Variants in WWP2 observed in about 807,000 individuals in gnomAD.
The protein encoded by WWP2 is WW domain containing E3 ubiquitin protein ligase 2, also known as NEDD4-like E3 ubiquitin-protein ligase WWP2.
A neutral mutation model predicts 121.0 loss-of-function variants in WWP2; 57 were observed. The observed-to-expected ratio is 0.47, with a 90% CI of 0.38 to 0.59. WWP2 has a LOEUF of 0.59. WWP2 is among the 20% of genes least tolerant of loss of function. The probability of loss-of-function intolerance (pLI) is 0.00; values close to 1 mark genes in which losing one functional copy is unlikely to be tolerated. For synonymous variants in WWP2, 449 were observed against 441.3 expected (o/e 1.02, Z -0.22); for missense variants, 962 against 1,158.9 (o/e 0.83, Z 2.47).
intron 4 of WWP2, among the ~76,000 whole-genome samples, chr16:69,813,338 T>A (rs1276317176): frequency 6.6e-6 from 1 of 152,122 alleles, no homozygotes; most frequent in Admixed American, 6.5e-5. Flanking sequence ...AATTTTATAT[T>A]TTTAGTGGAG....
At chr16:69,889,278 T>C (rs2057983859) in intron 8 of WWP2, among the ~76,000 whole-genome samples, 1 of 152,130 alleles carries the variant, frequency 6.6e-6, no homozygotes, top group African/African-American at 2.4e-5. Context: ...TGAGCTATGA[T>C]CACACCACTG....
intron 4 of WWP2, among the ~76,000 whole-genome samples, chr16:69,815,540 C>T (rs1278405352): frequency 6.6e-6 from 1 of 150,774 alleles, no homozygotes; most frequent in Non-Finnish European, 1.5e-5. Flanking sequence ...GTAATCTCAG[C>T]ACTTTGGGAG....
At chr16:69,768,351 A>G (rs1224997686) in intron 1 of WWP2, among the ~76,000 whole-genome samples, 7 of 152,262 alleles carry the variant, frequency 4.6e-5, no homozygotes, top group African/African-American at 9.6e-5. Context: ...GCTCACACCT[A>G]TAATCCCAGC....
chr16:69,832,041 C>T (rs1291258305), intron 4 of WWP2, among the ~76,000 whole-genome samples: 6 of 152,018 alleles, frequency 3.9e-5, no homozygotes, highest in African/African-American at 7.2e-5. Flanking sequence ...GTTGCCCAGG[C>T]GGGTCTCGAA....
chr16:69,895,969 G>A (rs1026915054), intron 8 of WWP2, among the ~76,000 whole-genome samples: 14 of 152,184 alleles, frequency 9.2e-5, no homozygotes, highest in Non-Finnish European at 1.5e-5. Flanking sequence ...TAGGTCACAT[G>A]GAATAGTGTG....
chr16:69,774,966 CA>C (rs58896866), intron 1 of WWP2: 28,975 of 88,840 alleles, frequency 0.33, 3,339 homozygotes, highest in African/African-American at 0.47. Context: ...AAGACTGTCT[CA>C]AAAAAAAAAA....
At chr16:69,839,853 T>TA (rs1410253479) in intron 4 of WWP2, among the ~76,000 whole-genome samples, 5 of 152,210 alleles carry the variant, frequency 3.3e-5, no homozygotes, top group Admixed American at 2.6e-4. Flanking sequence ...ATAAACAAAC[T>TA]AATACATCAG....
chr16:69,810,715 C>T (rs996542688), intron 4 of WWP2, among the ~76,000 whole-genome samples: 4 of 151,620 alleles, frequency 2.6e-5, no homozygotes, highest in African/African-American at 9.7e-5. Context: ...CAGGCATGAG[C>T]CACTGCGCCC....
At chr16:69,864,581 G>A (rs8063226) in intron 6 of WWP2, among the ~76,000 whole-genome samples, 79,678 of 151,366 alleles carry the variant, frequency 0.53, 21,566 homozygotes, top group East Asian at 0.9. Flanking sequence ...ACAGAGTCTC[G>A]CTCTGTCACC....
intron 2 of WWP2, among the ~76,000 whole-genome samples, chr16:69,789,077 C>T (rs939409354): frequency 3.3e-5 from 5 of 151,936 alleles, no homozygotes; most frequent in Admixed American, 6.6e-5. Context: ...TTATATTTTG[C>T]GACAGAGTCT....
At chr16:69,837,232 T>C (rs543364566) in intron 4 of WWP2, among the ~76,000 whole-genome samples, 45 of 152,236 alleles carry the variant, frequency 3.0e-4, no homozygotes, top group African/African-American at 1.0e-3. Flanking sequence ...GCTGGCTGCT[T>C]TTAATTAATT....
chr16:69,854,617 C>G (rs2057276585), intron 6 of WWP2, among the ~76,000 whole-genome samples: 1 of 151,992 alleles, frequency 6.6e-6, no homozygotes, highest in African/African-American at 2.4e-5. Context: ...GTGGCACGAT[C>G]TTGGCTCACT....
rs141830296 is a variant in WWP2 at position 69,896,493 on chromosome 16, A to G, written c.914+8244A>G. On this transcript the variant is annotated intron_variant, in intron 8 of 23. Coordinates refer to ENST00000359154, the MANE Select transcript of WWP2 (RefSeq NM_001270454.2). ...CGTCTTTGTGTTCCCTGTACCCAGCATACAACTTGGCTTCCAAAGAGAGGG... is the reference window on the plus strand; with the variant it reads ...CGTCTTTGTGTTCCCTGTACCCAGCGTACAACTTGGCTTCCAAAGAGAGGG... Among the ~76,000 whole-genome samples the G allele has an allele frequency of 1.6e-3, 248 of 152,322 alleles. 2 individuals carry two copies. Among genetic ancestry groups the G allele is most frequent in the African/African-American group, 4.6e-3 (191 of 41,582 alleles).
intron 6 of WWP2, among the ~76,000 whole-genome samples, chr16:69,864,327 A>T (rs939186612): frequency 3.3e-5 from 5 of 151,986 alleles, no homozygotes; most frequent in African/African-American, 1.2e-4. Flanking sequence ...ACGCCATTGC[A>T]CTCCAGCCTG....
intron 4 of WWP2, among the ~76,000 whole-genome samples, chr16:69,836,960 G>A (rs972504216): frequency 1.3e-5 from 2 of 151,264 alleles, no homozygotes; most frequent in Admixed American, 6.6e-5. Flanking sequence ...TCTCATTTTG[G>A]TTGCTTAGGT....
intron 7 of WWP2, among the ~76,000 whole-genome samples, chr16:69,882,389 C>A (rs2057846928): frequency 6.6e-6 from 1 of 152,088 alleles, no homozygotes; most frequent in South Asian, 2.1e-4. Flanking sequence ...CCTATTCAAT[C>A]AAATATCTTT....
chr16:69,890,677 A>G (rs901078615), intron 8 of WWP2: 3 of 152,130 alleles, frequency 2.0e-5, no homozygotes, highest in Admixed American at 6.5e-5. Context: ...GTCACAGGCA[A>G]TTAGGGCTAA....
chr16:69,861,291 C>T (rs1406051097), intron 6 of WWP2, among the ~76,000 whole-genome samples: 1 of 152,224 alleles, frequency 6.6e-6, no homozygotes, highest in African/African-American at 2.4e-5. Flanking sequence ...TTTGAGCACT[C>T]TTCTCAGCTA....
chr16:69,898,498 T>G (rs1316087192), intron 8 of WWP2, among the ~76,000 whole-genome samples: 1 of 152,236 alleles, frequency 6.6e-6, no homozygotes, highest in Non-Finnish European at 1.5e-5. Context: ...GTTCGTTTCA[T>G]GTGGGCCAGT....
Sources: gnomAD v4.1 joint callset for allele counts (sites outside exome capture counted in the v4.1 genomes callset) on GRCh38, gnomAD v4.1.1 for gene constraint, MANE v1.5 for transcripts, NCBI Gene and HGNC (gene_info 2026-07-23, HGNC 2026-07-21) for gene names.